The following COL21A1 variants were observed in gnomAD, a reference collection of about 807,000 sequenced individuals.
The protein encoded by COL21A1 is collagen type XXI alpha 1 chain, also known as collagen alpha-1(XXI) chain.
In COL21A1, 149 loss-of-function variants were observed where a neutral mutation model predicts 137.9. The ratio of observed to expected loss-of-function variants is 1.08; its 90% CI spans 0.95 to 1.24. The LOEUF (loss-of-function observed/expected upper bound fraction) is 1.24. COL21A1 is among the 50% of genes most tolerant of loss of function. The pLI is 0.00. For missense variants in COL21A1, 1,167 were observed against 1,158.4 expected (o/e 1.01, Z -0.11); for synonymous variants, 456 against 391.5 (o/e 1.16, Z -1.95).
intron 1 of COL21A1, among the ~76,000 whole-genome samples, chr6:56,347,513 C>A (rs1203677119): frequency 2.2e-5 from 2 of 90,172 alleles, no homozygotes; most frequent in Non-Finnish European, 2.1e-5. Context: ...ACCTAGGAAG[C>A]ATTTAAAAAA....
At chr6:56,103,003 T>A (rs1770586373) in intron 16 of COL21A1, among the ~76,000 whole-genome samples, 1 of 152,038 alleles carries the variant, frequency 6.6e-6, no homozygotes, top group Admixed American at 6.6e-5. Context: ...GCCTGAAAAA[T>A]TCAAGACAAG....
chr6:56,098,863 G>C (rs75378104), intron 17 of COL21A1, among the ~76,000 whole-genome samples: 14 of 147,300 alleles, frequency 9.5e-5, no homozygotes, highest in Admixed American at 6.3e-4. Context: ...CTACAGGCAC[G>C]TGCCACCACG....
intron 17 of COL21A1, among the ~76,000 whole-genome samples, chr6:56,078,431 A>T (rs1254437913): frequency 6.6e-6 from 1 of 151,630 alleles, no homozygotes. Flanking sequence ...ATACAAATGT[A>T]TTGACACTGA....
intron 1 of COL21A1, among the ~76,000 whole-genome samples, chr6:56,187,985 A>T (rs368769288): frequency 1.2e-4 from 19 of 152,328 alleles, no homozygotes; most frequent in African/African-American, 4.6e-4. Flanking sequence ...AAAGGTCTTG[A>T]ACAGACATAT....
intron 10 of COL21A1, among the ~76,000 whole-genome samples, chr6:56,144,079 T>C (rs1467548597): frequency 6.6e-6 from 1 of 152,194 alleles, no homozygotes; most frequent in Non-Finnish European, 1.5e-5. Flanking sequence ...TGAATCTCCT[T>C]CCCTCAACCA....
At chr6:56,112,111 T>C (rs563969819) in intron 16 of COL21A1, among the ~76,000 whole-genome samples, 2 of 152,256 alleles carry the variant, frequency 1.3e-5, no homozygotes, top group South Asian at 2.1e-4. Flanking sequence ...TGGAATGGAA[T>C]TGAGAATCTA....
intron 1 of COL21A1, among the ~76,000 whole-genome samples, chr6:56,364,882 A>G (rs1185663380): frequency 6.6e-6 from 1 of 152,202 alleles, no homozygotes; most frequent in Non-Finnish European, 1.5e-5. Context: ...AAGAAGGATT[A>G]TATGAGTTTC....
intron 10 of COL21A1, among the ~76,000 whole-genome samples, chr6:56,152,153 C>G (rs911592994): frequency 1.3e-5 from 2 of 152,182 alleles, no homozygotes; most frequent in Non-Finnish European, 1.5e-5. Context: ...TGCATTCTTT[C>G]TGGAGGCTCT....
At chr6:56,251,486 T>C (rs1782851636), upstream of COL21A1, among the ~76,000 whole-genome samples, 1 of 152,218 alleles carries the variant, frequency 6.6e-6, no homozygotes, top group Admixed American at 6.5e-5. Flanking sequence ...TAAATTGATG[T>C]TATTTATTCC....
intron 1 of COL21A1, among the ~76,000 whole-genome samples, chr6:56,365,895 T>C (rs1021136851): frequency 2.0e-5 from 3 of 152,230 alleles, no homozygotes; most frequent in Non-Finnish European, 2.9e-5. Context: ...CCTCAGTATA[T>C]GGAAGGATTT....
intron 16 of COL21A1, among the ~76,000 whole-genome samples, chr6:56,116,418 A>AT (rs1489891913): frequency 5.5e-5 from 8 of 146,564 alleles, no homozygotes; most frequent in Non-Finnish European, 7.6e-5. Flanking sequence ...AAAAAAAAAA[A>AT]AAAAAACTTT....
At chr6:56,080,128 T>C (rs1767621982) in intron 17 of COL21A1, among the ~76,000 whole-genome samples, 1 of 151,828 alleles carries the variant, frequency 6.6e-6, no homozygotes, top group Admixed American at 6.6e-5. Flanking sequence ...CAAAAGCATT[T>C]GAAAGTTAAC....
chr6:56,371,511 G>A (rs1562075869), intron 1 of COL21A1, among the ~76,000 whole-genome samples: 1 of 152,132 alleles, frequency 6.6e-6, no homozygotes, highest in African/African-American at 2.4e-5. Context: ...CCCCATTCAC[G>A]TGGACCATCC....
At chr6:56,301,019 T>A (rs1485910425) in intron 1 of COL21A1, among the ~76,000 whole-genome samples, 1 of 152,144 alleles carries the variant, frequency 6.6e-6, no homozygotes, top group African/African-American at 2.4e-5. Context: ...GACCCAATTG[T>A]TACTCTCAAG....
At chr6:56,170,343 TA>T (rs1776938350) in intron 5 of COL21A1, among the ~76,000 whole-genome samples, 1 of 151,894 alleles carries the variant, frequency 6.6e-6, no homozygotes, top group Non-Finnish European at 1.5e-5. Flanking sequence ...CATCCTTGAA[TA>T]TTAGTTTGTC....
intron 12 of COL21A1, among the ~76,000 whole-genome samples, chr6:56,131,894 G>GTATTTGCAC (rs1428805560): frequency 2.0e-5 from 3 of 152,054 alleles, no homozygotes; most frequent in African/African-American, 7.2e-5. Context: ...AAGTTACCCT[G>GTATTTGCAC]TATTTGCACT....
At chr6:56,284,721 C>G (rs992275636) in intron 1 of COL21A1, among the ~76,000 whole-genome samples, 1 of 151,338 alleles carries the variant, frequency 6.6e-6, no homozygotes, top group Non-Finnish European at 1.5e-5. Context: ...TCTCATTACG[C>G]TGGCAATGAG....
chr6:56,222,496 T>C (rs1780900008), intron 1 of COL21A1, among the ~76,000 whole-genome samples: 1 of 152,108 alleles, frequency 6.6e-6, no homozygotes. Flanking sequence ...CTTTAGTACA[T>C]TTAAAGAATA....
intron 1 of COL21A1, among the ~76,000 whole-genome samples, chr6:56,337,961 C>CTT (rs200998969): frequency 8.8e-5 from 8 of 90,850 alleles, no homozygotes; most frequent in Non-Finnish European, 2.0e-4. Context: ...CTTTTCTTTT[C>CTT]TTTTTTTTTT....
Sources: allele counts gnomAD v4.1 joint callset (sites outside exome capture counted in the v4.1 genomes callset), GRCh38; gene constraint gnomAD v4.1.1; transcripts MANE v1.5; gene names NCBI Gene and HGNC (gene_info 2026-07-23, HGNC 2026-07-21).